CCDC30: variants seen among roughly 807,000 people sequenced by gnomAD.
CCDC30 encodes coiled-coil domain containing 30, also known as coiled-coil domain-containing protein 30.
In CCDC30, 70 loss-of-function variants were observed where a neutral mutation model predicts 100.2. The ratio of observed to expected loss-of-function variants is 0.70; its 90% CI spans 0.58 to 0.85. The LOEUF (loss-of-function observed/expected upper bound fraction) is 0.85, where lower values mean the gene tolerates loss of function less well. CCDC30 is among the 40% of genes least tolerant of loss of function. CCDC30 has a pLI of 0.00. For missense variants in CCDC30, 652 were observed against 771.2 expected (o/e 0.85, Z 1.83); for synonymous variants, 233 against 269.5 (o/e 0.86, Z 1.33).
chr1:42,627,298 C>T (rs116126286), intron 11 of CCDC30, among the ~76,000 whole-genome samples: 1,917 of 152,176 alleles, frequency 0.013, 43 homozygotes, highest in African/African-American at 0.043. Flanking sequence ...TGGAAGAAAC[C>T]TCTAAACAGC....
chr1:42,512,332 G>A (rs182357605), intron 6 of CCDC30, among the ~76,000 whole-genome samples: 11 of 152,176 alleles, frequency 7.2e-5, no homozygotes, highest in African/African-American at 2.4e-4. Flanking sequence ...CAGATTTGGG[G>A]GCCCATTCCC....
At chr1:42,525,724 G>C (rs935327479) in intron 6 of CCDC30, among the ~76,000 whole-genome samples, 1 of 152,080 alleles carries the variant, frequency 6.6e-6, no homozygotes, top group South Asian at 2.1e-4. Flanking sequence ...TTGCTGAATA[G>C]CTTAATTCTT....
chr1:42,492,021 A>AACTG (rs150065484), intron 4 of CCDC30: 83,058 of 578,004 alleles, frequency 0.14, 6,772 homozygotes, highest in East Asian at 0.18. Context: ...TCAGGAAAAA[A>AACTG]ACTAACTTCC....
At chr1:42,634,180 C>G (rs1647098613) in intron 11 of CCDC30, among the ~76,000 whole-genome samples, 1 of 149,152 alleles carries the variant, frequency 6.7e-6, no homozygotes, top group South Asian at 2.1e-4. Flanking sequence ...CTAGTCCCAG[C>G]TACTCAGGAG....
At chr1:42,525,843 C>G (rs1173437475) in intron 6 of CCDC30, among the ~76,000 whole-genome samples, 2 of 152,160 alleles carry the variant, frequency 1.3e-5, no homozygotes, top group Non-Finnish European at 2.9e-5. Context: ...TAAGGACTCT[C>G]TGATCTAGCT....
At chr1:42,545,186 A>AAAAAAAAT (rs760685126) in intron 6 of CCDC30, among the ~76,000 whole-genome samples, 2,490 of 125,900 alleles carry the variant, frequency 0.02, 115 homozygotes, top group Non-Finnish European at 0.032. Flanking sequence ...AAAAAAAAAA[A>AAAAAAAAT]AAGGGAATTT....
chr1:42,536,183 C>A (rs1484687220), intron 6 of CCDC30, among the ~76,000 whole-genome samples: 1 of 151,998 alleles, frequency 6.6e-6, no homozygotes. Context: ...GGAAAGATTT[C>A]AATACTGCCT....
chr1:42,523,538 A>G (rs1644679236), intron 6 of CCDC30, among the ~76,000 whole-genome samples: 2 of 150,142 alleles, frequency 1.3e-5, no homozygotes, highest in African/African-American at 4.9e-5. Context: ...TTGTCTTTCA[A>G]CGGTTTGATT....
At chr1:42,476,895 GT>G (rs79217499) in intron 1 of CCDC30, among the ~76,000 whole-genome samples, 20,185 of 130,034 alleles carry the variant, frequency 0.16, 1,300 homozygotes, top group East Asian at 0.19. Flanking sequence ...TTTTTTTTTT[GT>G]TTTTTTTTTT....
At chr1:42,534,220 GA>G (rs937221425) in intron 6 of CCDC30, among the ~76,000 whole-genome samples, 16 of 149,954 alleles carry the variant, frequency 1.1e-4, no homozygotes, top group African/African-American at 2.3e-4. Flanking sequence ...CAAAGAAAAT[GA>G]GGGGGGGGGT....
At chr1:42,532,875 C>T (rs2148515888) in intron 6 of CCDC30, among the ~76,000 whole-genome samples, 1 of 152,364 alleles carries the variant, frequency 6.6e-6, no homozygotes, top group African/African-American at 2.4e-5. Context: ...ACGCCATTCT[C>T]CTGCCTCAGC....
At chr1:42,657,016 T>C (rs1359697492), downstream of CCDC30, among the ~76,000 whole-genome samples, 4 of 152,188 alleles carry the variant, frequency 2.6e-5, no homozygotes, top group Non-Finnish European at 4.4e-5. Flanking sequence ...TCTTTTTCAG[T>C]TGGAGGAGAC....
chr1:42,503,890 C>A (rs112669217), intron 6 of CCDC30, among the ~76,000 whole-genome samples: 20,749 of 152,182 alleles, frequency 0.14, 1,562 homozygotes, highest in East Asian at 0.18. Context: ...GGGAGACCCT[C>A]ACCCAGTGGC....
At chr1:42,555,052 C>T (rs1645340636) in intron 6 of CCDC30, among the ~76,000 whole-genome samples, 1 of 152,130 alleles carries the variant, frequency 6.6e-6, no homozygotes, top group Admixed American at 6.5e-5. Context: ...CCTTACCTGC[C>T]ACATCCAATA....
At chr1:42,543,457 G>C (rs1645057888) in intron 6 of CCDC30, among the ~76,000 whole-genome samples, 1 of 151,366 alleles carries the variant, frequency 6.6e-6, no homozygotes. Context: ...GAGTAACTGG[G>C]GTTGCAGCAT....
At chr1:42,529,762 C>T (rs1479920274) in intron 6 of CCDC30, 1 of 152,188 alleles carries the variant, frequency 6.6e-6, no homozygotes, top group Non-Finnish European at 1.5e-5. Context: ...TGTTTCCAGA[C>T]CTTGACCTAG....
chr1:42,600,693 G>T (rs1646386852), intron 10 of CCDC30, among the ~76,000 whole-genome samples: 1 of 152,172 alleles, frequency 6.6e-6, no homozygotes, highest in Non-Finnish European at 1.5e-5. Context: ...CTTGTGGGAG[G>T]TGATTGGATC....
chr1:42,509,057 G>A (rs981902366), intron 6 of CCDC30, among the ~76,000 whole-genome samples: 7 of 152,170 alleles, frequency 4.6e-5, no homozygotes, highest in Non-Finnish European at 8.8e-5. Flanking sequence ...ATTAGGTTAT[G>A]ACTTAGCTGC....
rs1049115109 is a variant in CCDC30 at position 42,593,008 on chromosome 1, A to G, written c.1164+3525A>G. ...CCAAATACAACTTCTGACACCAGTT[A>G]TGTGAGTTTTTCCCCATACTAAGCA... On this transcript the variant is annotated intron_variant, in intron 10 of 16. Coordinates refer to ENST00000668663, the Ensembl canonical transcript of CCDC30. 2.6e-5 allele frequency: 4 copies of G among 152,336 alleles called. No individual in the cohort carries two copies. In the South Asian group the frequency reaches 8.3e-4, roughly 32 times the overall value. The allele number at this position is 152,336 out of a possible 1,614,324, so 9.4% of individuals were successfully genotyped here.
Sources: gnomAD v4.1 joint callset for allele counts (sites outside exome capture counted in the v4.1 genomes callset) on GRCh38, gnomAD v4.1.1 for gene constraint, MANE v1.5 for transcripts, NCBI Gene and HGNC (gene_info 2026-07-23, HGNC 2026-07-21) for gene names.